Variants in KIAA1958 observed in about 807,000 individuals in gnomAD.
KIAA1958 encodes uncharacterized protein KIAA1958.
Under a neutral mutation model 47.2 loss-of-function variants are expected in KIAA1958, and 14 were observed. That is an observed-to-expected ratio of 0.30 (90% CI 0.20 to 0.46). KIAA1958 has a LOEUF of 0.46. Among genes scored for constraint, KIAA1958 ranks in the 20% least tolerant of loss-of-function variants. The pLI is 1.00. For synonymous variants in KIAA1958, 354 were observed against 353.3 expected, an observed-to-expected ratio of 1.00 and a Z score of -0.02; for missense variants, 803 against 909.2, an observed-to-expected ratio of 0.88 and a Z score of 1.50.
At chr9:112,622,239 T>C (rs1361271466) in intron 2 of KIAA1958, among the ~76,000 whole-genome samples, 1 of 152,240 alleles carries the variant, frequency 6.6e-6, no homozygotes, top group African/African-American at 2.4e-5. Flanking sequence ...TACAACTGAA[T>C]GCGCTGCCTT....
intron 1 of KIAA1958, among the ~76,000 whole-genome samples, chr9:112,540,706 TTTTC>T (rs1374165004): frequency 6.6e-6 from 1 of 151,868 alleles, no homozygotes; most frequent in Non-Finnish European, 1.5e-5. Flanking sequence ...TGGAATTTCT[TTTTC>T]TTTCCTTTTT....
chr9:112,558,176 G>T (rs1042435408), intron 1 of KIAA1958, among the ~76,000 whole-genome samples: 16 of 152,090 alleles, frequency 1.1e-4, no homozygotes, highest in African/African-American at 3.9e-4. Flanking sequence ...AGTGAACCGA[G>T]ATCGCGCCAC....
intron 1 of KIAA1958, among the ~76,000 whole-genome samples, chr9:112,558,084 G>A (rs969867584): frequency 1.3e-5 from 2 of 152,020 alleles, no homozygotes; most frequent in African/African-American, 4.8e-5. Context: ...AATTAGCCGG[G>A]CATCGTGGTG....
chr9:112,613,140 G>A (rs1222475855), intron 2 of KIAA1958, among the ~76,000 whole-genome samples: 1 of 152,172 alleles, frequency 6.6e-6, no homozygotes, highest in East Asian at 1.9e-4. Flanking sequence ...GTAACAAAGG[G>A]TTGAGATGAG....
chr9:112,561,512 A>G (rs1053205716), intron 1 of KIAA1958, among the ~76,000 whole-genome samples: 4 of 152,180 alleles, frequency 2.6e-5, no homozygotes, highest in African/African-American at 9.7e-5. Flanking sequence ...ACTGTCATAC[A>G]ATATTTATTG....
intron 2 of KIAA1958, among the ~76,000 whole-genome samples, chr9:112,619,573 G>A (rs1836465410): frequency 1.3e-5 from 2 of 152,096 alleles, no homozygotes; most frequent in African/African-American, 4.8e-5. Context: ...AAGGGTAGAA[G>A]GAGGGAATAA....
chr9:112,584,777 G>A (rs1330672903), intron 2 of KIAA1958, among the ~76,000 whole-genome samples: 1 of 152,224 alleles, frequency 6.6e-6, no homozygotes, highest in East Asian at 1.9e-4. Flanking sequence ...GACACACAAA[G>A]AAGGTAGATG....
intron 3 of KIAA1958, among the ~76,000 whole-genome samples, chr9:112,654,835 T>G (rs976954738): frequency 6.6e-5 from 10 of 152,222 alleles, no homozygotes; most frequent in African/African-American, 2.4e-4. Flanking sequence ...TGATAGCTTT[T>G]CAGCTGAATC....
intron 1 of KIAA1958, among the ~76,000 whole-genome samples, chr9:112,488,545 A>T (rs1257415974): frequency 6.6e-6 from 1 of 152,188 alleles, no homozygotes; most frequent in East Asian, 1.9e-4. Flanking sequence ...GTGAGAATTT[A>T]TATTGACAAA....
intron 2 of KIAA1958, among the ~76,000 whole-genome samples, chr9:112,600,759 G>C (rs1030958210): frequency 1.3e-5 from 2 of 152,160 alleles, no homozygotes; most frequent in African/African-American, 4.8e-5. Flanking sequence ...AGCAATAGAG[G>C]AGGAGCTCGG....
At position 112,644,114 on chromosome 9, in the gene KIAA1958, G is replaced by C. The variant is rs532273511; in HGVS notation, c.1172-1536G>C. ...AATCGCGTGAACCTGGGAGGTGGAG[G>C]TTGCAGTGAGCCAAGATTGCACCAC... On this transcript the variant is annotated intron_variant, in intron 2 of 3. Transcript: ENST00000337530. Among the ~76,000 whole-genome samples the C allele has an allele frequency of 1.3e-4, 20 of 152,176 alleles. No homozygotes were observed. The South Asian group carries it at 4.1e-3, about 32-fold the overall frequency.
At chr9:112,635,109 A>C (rs772112729) in intron 2 of KIAA1958, among the ~76,000 whole-genome samples, 2 of 152,170 alleles carry the variant, frequency 1.3e-5, no homozygotes, top group Non-Finnish European at 2.9e-5. Context: ...CTATAAAAGA[A>C]GTGAGTGTTC....
At chr9:112,503,940 TA>T (rs1834188886) in intron 1 of KIAA1958, among the ~76,000 whole-genome samples, 1 of 151,226 alleles carries the variant, frequency 6.6e-6, no homozygotes, top group African/African-American at 2.4e-5. Flanking sequence ...TATATATATA[TA>T]TATATTTGCC....
intron 1 of KIAA1958, among the ~76,000 whole-genome samples, chr9:112,561,588 C>T (rs1297109816): frequency 1.3e-5 from 2 of 152,112 alleles, no homozygotes; most frequent in East Asian, 3.9e-4. Flanking sequence ...GGTGCAGTGG[C>T]TCACCCCTGT....
chr9:112,615,683 T>TTG (rs1477629825), intron 2 of KIAA1958, among the ~76,000 whole-genome samples: 3 of 152,138 alleles, frequency 2.0e-5, no homozygotes, highest in Non-Finnish European at 4.4e-5. Context: ...CAAACACTGT[T>TTG]TCTCATGGTA....
chr9:112,563,138 C>G (rs1403148629), intron 1 of KIAA1958, among the ~76,000 whole-genome samples: 1 of 144,922 alleles, frequency 6.9e-6, no homozygotes, highest in Non-Finnish European at 1.5e-5. Context: ...CAGTGTTGCC[C>G]AGGCTGGTCT....
intron 2 of KIAA1958, among the ~76,000 whole-genome samples, chr9:112,588,099 T>C (rs1454676855): frequency 6.6e-6 from 1 of 152,236 alleles, no homozygotes; most frequent in African/African-American, 2.4e-5. Context: ...TCCTCCCTGC[T>C]CCTGCTTCTC....
rs1404192340 is a variant in KIAA1958, at chr9:112,618,564, A to C, written c.1172-27086A>C. 4.5e-6 allele frequency: 7 copies of C among 1,550,550 alleles called. No homozygotes were observed. Among genetic ancestry groups the C allele is most frequent in the Non-Finnish European group, 8.7e-7 (1 of 1,147,018 alleles). On this transcript the variant is annotated intron_variant, in intron 2 of 3. Transcript: ENST00000337530. This position sits in a 1 kb window ranked among gnomAD's most constrained non-coding sequence, Gnocchi z 7.1. ...ACCTGCCCTGTCCAGGACTATAAGG[A>C]GTATGCCCAGCGGCGGCCTCCCGCC...
chr9:112,612,700 A>T (rs1836346543), intron 2 of KIAA1958, among the ~76,000 whole-genome samples: 1 of 152,210 alleles, frequency 6.6e-6, no homozygotes, highest in African/African-American at 2.4e-5. Context: ...TTATCATGGG[A>T]GTATAAGTTA....
Sources: allele counts gnomAD v4.1 joint callset (sites outside exome capture counted in the v4.1 genomes callset), GRCh38; gene constraint gnomAD v4.1.1; non-coding constraint Gnocchi (gnomAD v3.1); transcripts MANE v1.5; gene names NCBI Gene and HGNC (gene_info 2026-07-23, HGNC 2026-07-21).